ZNF831: variants seen among roughly 807,000 people sequenced by gnomAD.
ZNF831 encodes chromosome 20 open reading frame 174.
ZNF831 carries 59 observed loss-of-function variants against 95.8 expected under a neutral mutation model. The ratio of observed to expected loss-of-function variants is 0.62; its 90% confidence interval spans 0.50 to 0.77. The LOEUF (loss-of-function observed/expected upper bound fraction) is 0.77, where lower values mean the gene tolerates loss of function less well. ZNF831 is among the 30% of genes least tolerant of loss of function. ZNF831 has a pLI of 0.00. For missense variants in ZNF831, 2,205 were observed against 2,164.0 expected (o/e 1.02, Z -0.38); for synonymous variants, 961 against 925.5 (o/e 1.04, Z -0.70).
chr20:59,212,596 T>C (rs865848263), intron 4 of ZNF831, among the ~76,000 whole-genome samples: 10 of 152,230 alleles, frequency 6.6e-5, no homozygotes, highest in South Asian at 2.1e-4. Context: ...GGATCAGGGC[T>C]GAGGGGTGCA....
intron 4 of ZNF831, among the ~76,000 whole-genome samples, chr20:59,218,723 A>G (rs1226385950): frequency 2.6e-5 from 4 of 151,758 alleles, no homozygotes; most frequent in Non-Finnish European, 5.9e-5. Context: ...GCACCTGTCC[A>G]TGTACTGAGG....
At position 59,169,792 on chromosome 20, in the gene ZNF831, C is replaced by T. The variant is rs145584207; in HGVS notation, c.-37+5585C>T. Among the ~76,000 whole-genome samples the T allele has an allele frequency of 2.6e-3, 390 of 151,866 alleles. 3 individuals are homozygous for T. Among genetic ancestry groups the T allele is most frequent in the African/African-American group, 8.3e-3 (344 of 41,422 alleles). On this transcript the variant is annotated intron_variant, in intron 1 of 5. Transcript: ENST00000371030. The surrounding 1 kb of genome is among the most constrained non-coding windows in gnomAD (Gnocchi z 4.1). ...GCAGACACCTGTAATCCCAGCTACT[C>T]GGGAGGCTGAGGCAGGAGAATGTTT...
At chr20:59,252,787 C>T (rs1225668886) in intron 4 of ZNF831, among the ~76,000 whole-genome samples, 191 bp from the exon 5 acceptor site, 2 of 152,162 alleles carry the variant, frequency 1.3e-5, no homozygotes, top group Non-Finnish European at 2.9e-5. Context: ...TTCCTTCCTT[C>T]ATAGAGTGGA....
At chr20:59,153,456 G>A (rs746793433) in intron 2 of ZNF831, among the ~76,000 whole-genome samples, 21 of 152,224 alleles carry the variant, frequency 1.4e-4, no homozygotes, top group Non-Finnish European at 2.8e-4. Context: ...CAGGAGCAGT[G>A]GATTGCCTCA....
chr20:59,212,049 G>C (rs901201670), intron 4 of ZNF831, among the ~76,000 whole-genome samples: 24 of 152,250 alleles, frequency 1.6e-4, no homozygotes, highest in African/African-American at 5.8e-4. Context: ...GCTAGAATCA[G>C]CAAAACATTC....
chr20:59,228,198 C>T (rs1221035532), intron 4 of ZNF831, among the ~76,000 whole-genome samples: 1 of 152,126 alleles, frequency 6.6e-6, no homozygotes, highest in African/African-American at 2.4e-5. Context: ...AACTCAGTGT[C>T]TCGTGGCAAC....
chr20:59,174,378 A>T (rs886185931), intron 1 of ZNF831, among the ~76,000 whole-genome samples: 2 of 152,198 alleles, frequency 1.3e-5, no homozygotes, highest in African/African-American at 2.4e-5. Context: ...ATTACATTTT[A>T]TATATATGGA....
Position 59,191,075 on chromosome 20 carries a change from C to A in ZNF831, c.56C>A (p.Pro19His), listed in dbSNP as rs1243554005. Residue 19 changes from proline to histidine, a missense_variant, in exon 2 of 6, where the codon CCC becomes CAC. By Grantham distance (77) the Pro-to-His change is moderately conservative (BLOSUM62 -2). Coordinates refer to ENST00000371030, the MANE Select transcript of ZNF831 (RefSeq NM_178457.3). ...PAPPARDQPA[P>H]TPGPPGAPGG... ...CCTCCTGCGAGGGACCAGCCAGCTCCCACTCCTGGCCCTCCAGGGGCCCCA... is the reference window on the plus strand; with the variant it reads ...CCTCCTGCGAGGGACCAGCCAGCTCACACTCCTGGCCCTCCAGGGGCCCCA... 6.6e-7 allele frequency: 1 copy of A among 1,522,788 alleles called. No homozygotes were observed. The highest frequency in any genetic ancestry group is 8.7e-7 in the Non-Finnish European group (1 of 1,143,072). The allele number at this position is 1,522,788 out of a possible 1,614,324, so 94.3% of individuals were successfully genotyped here.
rs1208713575 is a variant in ZNF831 at position 59,208,682 on chromosome 20, C to T, written c.4027+1626C>T. ...TCATGGTACTTGCTGGCTGACTCCT[C>T]GTTCCCTGTTCCCATGGACTCTTCC... On this transcript the variant is annotated intron_variant, in intron 4 of 5. Transcript: ENST00000371030. This position sits in a 1 kb window ranked among gnomAD's most constrained non-coding sequence, Gnocchi z 4.2. 2.6e-5 allele frequency among the ~76,000 whole-genome samples: 4 copies of T among 152,200 alleles called. No individual in the cohort carries two copies. The highest frequency in any genetic ancestry group is 5.9e-5 in the Non-Finnish European group (4 of 68,030).
intron 1 of ZNF831, among the ~76,000 whole-genome samples, chr20:59,187,118 A>G (rs1357565578): frequency 6.6e-6 from 1 of 152,180 alleles, no homozygotes; most frequent in Non-Finnish European, 1.5e-5. Flanking sequence ...CACATCCCAC[A>G]TAAATGGCCC....
chr20:59,181,384 C>T (rs2146518897), intron 1 of ZNF831, among the ~76,000 whole-genome samples: 1 of 152,252 alleles, frequency 6.6e-6, no homozygotes, highest in Non-Finnish European at 1.5e-5. Context: ...TGATTAGATC[C>T]CATTTGTCAA....
rs2146599765 is a variant in ZNF831, at chr20:59,194,457, C to T, written c.3438C>T (p.Gly1146=). 2 of 1,612,974 alleles carry T rather than the reference C, an allele frequency of 1.2e-6. No individual in the cohort carries two copies. The highest frequency in any genetic ancestry group is 1.7e-6 in the Non-Finnish European group (2 of 1,179,716). The change falls in exon 2 of 6, where the codon GGC becomes GGT. Residue 1146 remains glycine (G), a synonymous_variant. Coordinates refer to ENST00000371030, the MANE Select transcript of ZNF831 (RefSeq NM_178457.3). ...ALTRPQGVPP[G]WPELALSSHS... is the part of the protein sequence containing the mutation. ...CTCGGCCTCAGGGTGTGCCCCCAGG[C>T]TGGCCAGAGCTGGCCTTGTCTTCCC...
At chr20:59,227,619 TTTCA>T (rs769191312) in intron 4 of ZNF831, among the ~76,000 whole-genome samples, 1 of 152,242 alleles carries the variant, frequency 6.6e-6, no homozygotes, top group Non-Finnish European at 1.5e-5. Flanking sequence ...TTGTTTTAAC[TTTCA>T]TTGTTTTGAA....
At chr20:59,226,221 T>A (rs2146686307) in intron 4 of ZNF831, among the ~76,000 whole-genome samples, 1 of 152,314 alleles carries the variant, frequency 6.6e-6, no homozygotes, top group South Asian at 2.1e-4. Context: ...GGGGCATGGC[T>A]GCTGAACACA....
Position 59,253,867 on chromosome 20 carries a change from C to CG in ZNF831, c.4189-31_4189-30insG, listed in dbSNP as rs56738506. On this transcript the variant is annotated intron_variant, in intron 5 of 5. Coordinates refer to ENST00000371030, the MANE Select transcript of ZNF831 (RefSeq NM_178457.3). ...CTTTGTACCAATTAACCTCCCCCCC[C>CG]ACTTTTTTTTTCCTTTGCACTTTGT... 1.0e-4 allele frequency: 119 copies of CG among 1,142,332 alleles called. 15 individuals carry two copies. The East Asian group carries it at 1.6e-3, about 16-fold the overall frequency. The allele number at this position is 1,142,332 out of a possible 1,614,324, so 70.8% of individuals were successfully genotyped here. A position where few individuals can be genotyped will look rare whatever the true frequency, so the allele number is the denominator to read the frequency against.
chr20:59,250,644 G>GACA (rs890602923), intron 4 of ZNF831, among the ~76,000 whole-genome samples: 3 of 152,106 alleles, frequency 2.0e-5, no homozygotes, highest in East Asian at 3.9e-4. Flanking sequence ...CTTCAACAAC[G>GACA]ACAACAACAA....
chr20:59,187,742 T>G (rs1983174624), intron 1 of ZNF831, among the ~76,000 whole-genome samples: 1 of 152,262 alleles, frequency 6.6e-6, no homozygotes, highest in Admixed American at 6.5e-5. Context: ...CACCTCTGTC[T>G]GGTTCCAGAA....
intron 1 of ZNF831, among the ~76,000 whole-genome samples, chr20:59,177,933 A>G (rs1982303467): frequency 6.6e-6 from 1 of 152,202 alleles, no homozygotes; most frequent in African/African-American, 2.4e-5. Flanking sequence ...AGGTGTGAAG[A>G]AGCGAGGCTG....
At chr20:59,126,153 C>T (rs1979164885) in intron 1 of ZNF831, among the ~76,000 whole-genome samples, 1 of 152,240 alleles carries the variant, frequency 6.6e-6, no homozygotes, top group African/African-American at 2.4e-5. Flanking sequence ...ATTTCTTAAG[C>T]AGCCTGTGTT....
Sources: gnomAD v4.1 joint callset for allele counts (sites outside exome capture counted in the v4.1 genomes callset) on GRCh38, gnomAD v4.1.1 for gene constraint, Gnocchi (gnomAD v3.1) non-coding constraint, MANE v1.5 for transcripts, NCBI Gene and HGNC (gene_info 2026-07-23, HGNC 2026-07-21) for gene names.